Variants in EDIL3 observed in about 807,000 individuals in gnomAD.
The protein encoded by EDIL3 is EGF-like repeat and discoidin I-like domain-containing protein 3.
EDIL3 carries 37 observed loss-of-function variants against 67.4 expected under a neutral mutation model. The observed-to-expected ratio is 0.55, with a 90% CI of 0.42 to 0.72. EDIL3 has a LOEUF of 0.72. Ranked by LOEUF, EDIL3 falls within the 30% of genes least tolerant of loss-of-function variation. The pLI, the probability that EDIL3 is intolerant of heterozygous loss-of-function variation, is 0.00. For missense variants in EDIL3, 527 were observed against 586.3 expected (o/e 0.90, Z 1.04); for synonymous variants, 195 against 196.3 (o/e 0.99, Z 0.05).
intron 1 of EDIL3, among the ~76,000 whole-genome samples, chr5:84,366,512 T>A (rs1711876953): frequency 6.6e-6 from 1 of 152,218 alleles, no homozygotes; most frequent in Non-Finnish European, 1.5e-5. Context: ...CTATGTAGAT[T>A]TCTGTGATCT....
At chr5:84,310,070 G>A (rs1746353589) in intron 1 of EDIL3, among the ~76,000 whole-genome samples, 1 of 152,140 alleles carries the variant, frequency 6.6e-6, no homozygotes, top group Non-Finnish European at 1.5e-5. Flanking sequence ...TCAGTTAAGA[G>A]AGAAGAATTT....
At chr5:83,964,848 T>C (rs1744663326) in intron 9 of EDIL3, among the ~76,000 whole-genome samples, 1 of 152,048 alleles carries the variant, frequency 6.6e-6, no homozygotes, top group Non-Finnish European at 1.5e-5. Context: ...CTAAAATGTC[T>C]TGTGTGTCCA....
chr5:84,276,629 C>T lies in EDIL3; in HGVS notation c.68-22417G>A, dbSNP rs1226606400. Reference sequence around the variant, plus strand: ...TGTCACCCAAGCTGGAGTGTAGTGGCGTGATCTTGGCTCACTGCAACCTCT... The same window carrying T: ...TGTCACCCAAGCTGGAGTGTAGTGGTGTGATCTTGGCTCACTGCAACCTCT... On this transcript the variant is annotated intron_variant, in intron 1 of 10. Coordinates refer to ENST00000296591, the MANE Select transcript of EDIL3 (RefSeq NM_005711.5). Among the ~76,000 whole-genome samples the T allele has an allele frequency of 2.0e-5, 3 of 151,924 alleles. No homozygotes were observed. In the East Asian group the frequency reaches 5.8e-4, roughly 29 times the overall value.
intron 3 of EDIL3, among the ~76,000 whole-genome samples, chr5:84,204,595 G>A (rs1580375493): frequency 6.6e-6 from 1 of 151,688 alleles, no homozygotes; most frequent in East Asian, 1.9e-4. Flanking sequence ...CCATATCTAG[G>A]TATACATACA....
intron 9 of EDIL3, among the ~76,000 whole-genome samples, chr5:84,022,342 G>A (rs1454203655): frequency 2.0e-5 from 3 of 151,744 alleles, no homozygotes; most frequent in African/African-American, 4.8e-5. Context: ...TAGATGCAGA[G>A]AAAGTATTTG....
chr5:84,128,704 G>A (rs1747910508), intron 5 of EDIL3, among the ~76,000 whole-genome samples: 2 of 152,106 alleles, frequency 1.3e-5, no homozygotes. Flanking sequence ...ATCCACTACA[G>A]TTCTAAATTT....
chr5:84,072,107 G>A (rs1373675583), intron 6 of EDIL3, among the ~76,000 whole-genome samples: 1 of 151,900 alleles, frequency 6.6e-6, no homozygotes, highest in East Asian at 1.9e-4. Context: ...AAAAAAATGG[G>A]TTTCTATTCA....
At chr5:84,146,154 C>A (rs1054609051) in intron 4 of EDIL3, among the ~76,000 whole-genome samples, 1 of 152,130 alleles carries the variant, frequency 6.6e-6, no homozygotes, top group Non-Finnish European at 1.5e-5. Context: ...CATCCTTCCA[C>A]TTGTAGATTA....
intron 1 of EDIL3, among the ~76,000 whole-genome samples, chr5:84,291,686 A>ATATCTATATATCTATCTATGTAGATC (rs1580058297): frequency 5.5e-5 from 8 of 146,746 alleles, no homozygotes; most frequent in East Asian, 4.0e-4. Flanking sequence ...CTATATAGAT[A>ATATCTATATATCTATCTATGTAGATC]TATCTATATA....
intron 2 of EDIL3, among the ~76,000 whole-genome samples, chr5:84,252,493 C>CAAAAAAA (rs70975548): frequency 0.078 from 2,246 of 28,850 alleles, 479 homozygotes; most frequent in Non-Finnish European, 0.08. Context: ...GACTCCGTCT[C>CAAAAAAA]AAAAAAAAAA....
chr5:84,217,505 C>T (rs983375256), intron 3 of EDIL3, among the ~76,000 whole-genome samples: 1 of 151,962 alleles, frequency 6.6e-6, no homozygotes, highest in Non-Finnish European at 1.5e-5. Flanking sequence ...AAAAGATGAC[C>T]CTTGATAATA....
intron 9 of EDIL3, among the ~76,000 whole-genome samples, chr5:83,991,756 A>G (rs1745154860): frequency 6.6e-6 from 1 of 152,160 alleles, no homozygotes; most frequent in South Asian, 2.1e-4. Context: ...TCCATGGACT[A>G]CATGCCACCC....
chr5:84,052,287 C>T (rs1580300813), intron 9 of EDIL3, among the ~76,000 whole-genome samples: 1 of 152,292 alleles, frequency 6.6e-6, no homozygotes. Context: ...TCAGGCCTGC[C>T]TTACAAGAGC....
chr5:84,266,074 A>G (rs1358451835), intron 1 of EDIL3, among the ~76,000 whole-genome samples: 1 of 152,218 alleles, frequency 6.6e-6, no homozygotes, highest in African/African-American at 2.4e-5. Context: ...CCACATAAAT[A>G]TTTAGGAAGT....
chr5:84,106,547 A>T (rs1270340481), intron 6 of EDIL3, 102 bp downstream of exon 6: 3 of 1,372,938 alleles, frequency 2.2e-6, no homozygotes, highest in Non-Finnish European at 1.9e-6. Flanking sequence ...CTCTGACCAT[A>T]AGGAAGAGTC....
intron 4 of EDIL3, among the ~76,000 whole-genome samples, chr5:84,141,989 A>ATCTG (rs1561443902): frequency 6.9e-6 from 1 of 145,324 alleles, no homozygotes; most frequent in Admixed American, 7.1e-5. Flanking sequence ...CTATCTATCT[A>ATCTG]TCTATCTATC....
chr5:84,235,654 GA>G (rs1424783752), intron 2 of EDIL3, among the ~76,000 whole-genome samples: 1 of 151,926 alleles, frequency 6.6e-6, no homozygotes, highest in Non-Finnish European at 1.5e-5. Flanking sequence ...TTTGTTGAAA[GA>G]AAAGATACAC....
At chr5:83,943,905 C>G (rs1374333729) in intron 10 of EDIL3, among the ~76,000 whole-genome samples, 2 of 152,100 alleles carry the variant, frequency 1.3e-5, no homozygotes, top group South Asian at 2.1e-4. Flanking sequence ...TGAAGATGCT[C>G]TCTTCCACGG....
intron 9 of EDIL3, among the ~76,000 whole-genome samples, chr5:84,059,571 G>C (rs1237233257): frequency 6.6e-6 from 1 of 152,128 alleles, no homozygotes; most frequent in African/African-American, 2.4e-5. Context: ...AACTACTATA[G>C]TTTTTAAACT....
Sources: gnomAD v4.1 joint callset for allele counts (sites outside exome capture counted in the v4.1 genomes callset) on GRCh38, gnomAD v4.1.1 for gene constraint, MANE v1.5 for transcripts, NCBI Gene and HGNC (gene_info 2026-07-23, HGNC 2026-07-21) for gene names.